The following SBF2 variants were observed in gnomAD, a reference collection of about 807,000 sequenced individuals.
SBF2 encodes the protein myotubularin-related protein 13.
Under a neutral mutation model 225.2 loss-of-function variants are expected in SBF2, and 112 were observed. The observed-to-expected ratio is 0.50, with a 90% CI of 0.43 to 0.58. The LOEUF (loss-of-function observed/expected upper bound fraction) is 0.58. SBF2 is among the 20% of genes least tolerant of loss of function. SBF2 has a pLI of 0.00. For synonymous variants in SBF2, 763 were observed against 773.3 expected (o/e 0.99, Z 0.22); for missense variants, 1,996 against 2,206.2 (o/e 0.90, Z 1.91).
chr11:9,835,351 G>A (rs1855667070), intron 26 of SBF2, among the ~76,000 whole-genome samples: 1 of 152,044 alleles, frequency 6.6e-6, no homozygotes, highest in Non-Finnish European at 1.5e-5. Flanking sequence ...TGGCATGGTG[G>A]CTTACACCTG....
intron 2 of SBF2, among the ~76,000 whole-genome samples, chr11:10,073,548 C>A (rs1372668510): frequency 1.3e-5 from 2 of 152,084 alleles, no homozygotes; most frequent in East Asian, 3.9e-4. Context: ...CACTGTCTGT[C>A]TCTACTAATA....
chr11:10,142,013 A>G (rs1419359790), intron 2 of SBF2, among the ~76,000 whole-genome samples: 1 of 152,150 alleles, frequency 6.6e-6, no homozygotes, highest in Non-Finnish European at 1.5e-5. Flanking sequence ...TCATTCCTCC[A>G]ATATTTCAGC....
intron 3 of SBF2, among the ~76,000 whole-genome samples, chr11:10,040,768 G>A (rs955422452): frequency 6.6e-6 from 1 of 151,450 alleles, no homozygotes; most frequent in East Asian, 1.9e-4. Context: ...GGAGAGAGGG[G>A]AAGAGGGAAG....
At chr11:10,220,324 G>A (rs7115142) in intron 1 of SBF2, among the ~76,000 whole-genome samples, 94,425 of 151,904 alleles carry the variant, frequency 0.62, 29,367 homozygotes, top group East Asian at 0.68. Context: ...ATCTCCCACC[G>A]GGACCCTCTG....
At chr11:10,105,280 T>A (rs1952499791) in intron 2 of SBF2, among the ~76,000 whole-genome samples, 1 of 152,126 alleles carries the variant, frequency 6.6e-6, no homozygotes, top group African/African-American at 2.4e-5. Context: ...AGAAATACCA[T>A]AACTAAGGGA....
At chr11:10,087,421 A>G (rs1276548066) in intron 2 of SBF2, among the ~76,000 whole-genome samples, 1 of 152,212 alleles carries the variant, frequency 6.6e-6, no homozygotes, top group African/African-American at 2.4e-5. Context: ...AATAATATTT[A>G]GCAGCCAGTG....
chr11:9,835,865 T>C (rs1253462833), intron 26 of SBF2, among the ~76,000 whole-genome samples: 1 of 152,182 alleles, frequency 6.6e-6, no homozygotes, highest in South Asian at 2.1e-4. Flanking sequence ...TATTCTCTTG[T>C]TGATTTTGAG....
intron 2 of SBF2, among the ~76,000 whole-genome samples, chr11:10,104,078 C>A: frequency 6.6e-6 from 1 of 150,394 alleles, no homozygotes; most frequent in Admixed American, 6.6e-5. Flanking sequence ...AAGAGTGAGA[C>A]CCTGTCTCAG....
Position 10,031,186 on chromosome 11 carries a change from C to G in SBF2, c.280-16G>C, listed in dbSNP as rs1949242212. 1.9e-6 allele frequency: 3 copies of G among 1,612,360 alleles called. No homozygotes were observed. Among genetic ancestry groups the G allele is most frequent in the Middle Eastern group, 1.6e-4 (1 of 6,076 alleles). On this transcript the variant is annotated splice_polypyrimidine_tract_variant and intron_variant, in intron 3 of 39. Transcript: ENST00000256190. ...TCTTTGTTCCCTAGAAAAAGAGACA[C>G]TGAAATCAACAAACAGAAGGGATTT...
intron 5 of SBF2, among the ~76,000 whole-genome samples, chr11:10,029,489 TA>T (rs1258802660): frequency 1.3e-5 from 2 of 152,020 alleles, no homozygotes; most frequent in Admixed American, 1.3e-4. Flanking sequence ...TCCAAGAAAA[TA>T]CAAACTGCAG....
intron 17 of SBF2, among the ~76,000 whole-genome samples, chr11:9,873,088 C>T (rs961372224): frequency 4.6e-5 from 7 of 151,496 alleles, no homozygotes; most frequent in Non-Finnish European, 1.0e-4. Flanking sequence ...CACCTGTAGT[C>T]CCAGCTACTC....
At chr11:10,236,619 C>G (rs952239929) in intron 1 of SBF2, among the ~76,000 whole-genome samples, 2 of 152,206 alleles carry the variant, frequency 1.3e-5, no homozygotes, top group South Asian at 4.2e-4. Context: ...ACCACTATAC[C>G]CAGCTAATTT....
intron 2 of SBF2, among the ~76,000 whole-genome samples, chr11:10,108,248 C>T (rs1952644602): frequency 1.3e-5 from 2 of 152,074 alleles, no homozygotes; most frequent in African/African-American, 2.4e-5. Context: ...ATGACAGAGG[C>T]TAAGGAAGAA....
At chr11:10,297,097 G>T (rs747140070), upstream of SBF2, among the ~76,000 whole-genome samples, 64 of 151,944 alleles carry the variant, frequency 4.2e-4, no homozygotes, top group Non-Finnish European at 7.5e-4. Flanking sequence ...ATATATTCTG[G>T]ATACTAGTCC....
At chr11:10,017,759 A>G (rs1233891069) in intron 6 of SBF2, among the ~76,000 whole-genome samples, 2 of 152,196 alleles carry the variant, frequency 1.3e-5, no homozygotes. Context: ...ACACACAAAT[A>G]GAGCTTAGCA....
intron 2 of SBF2, among the ~76,000 whole-genome samples, chr11:10,080,870 T>C (rs1437767592): frequency 1.3e-5 from 2 of 152,106 alleles, no homozygotes; most frequent in Admixed American, 6.5e-5. Context: ...AAGGAAGTCT[T>C]TATGTAATAA....
At chr11:9,927,353 T>C (rs188648659) in intron 16 of SBF2, among the ~76,000 whole-genome samples, 85 of 152,226 alleles carry the variant, frequency 5.6e-4, no homozygotes, top group African/African-American at 1.9e-3. Flanking sequence ...TACTGGAAAA[T>C]TGAGCCGGAG....
chr11:10,217,391 T>C (rs1029656985), intron 1 of SBF2, among the ~76,000 whole-genome samples: 1 of 152,224 alleles, frequency 6.6e-6, no homozygotes, highest in Admixed American at 6.5e-5. Context: ...TTCTGTTTAA[T>C]GACTATTTTG....
At chr11:10,122,569 A>C (rs1953523296) in intron 2 of SBF2, among the ~76,000 whole-genome samples, 1 of 152,258 alleles carries the variant, frequency 6.6e-6, no homozygotes, top group South Asian at 2.1e-4. Flanking sequence ...CAAACAAGCA[A>C]ACTATAAAAA....
Sources: gnomAD v4.1 joint callset for allele counts (sites outside exome capture counted in the v4.1 genomes callset) on GRCh38, gnomAD v4.1.1 for gene constraint, MANE v1.5 for transcripts, NCBI Gene and HGNC (gene_info 2026-07-23, HGNC 2026-07-21) for gene names.